The following UVRAG variants were observed in gnomAD, a reference collection of about 807,000 sequenced individuals.
UVRAG encodes UV radiation resistance associated.
Under a neutral mutation model 78.0 loss-of-function variants are expected in UVRAG, and 19 were observed. That is an observed-to-expected ratio of 0.24 (90% CI 0.17 to 0.36). UVRAG has a LOEUF of 0.36. UVRAG is among the 10% of genes least tolerant of loss of function. UVRAG has a pLI of 1.00. For missense variants in UVRAG, 740 were observed against 853.8 expected, an observed-to-expected ratio of 0.87 and a Z score of 1.66; for synonymous variants, 323 against 324.6, an observed-to-expected ratio of 1.00 and a Z score of 0.05.
chr11:75,933,969 G>A (rs571577826), intron 6 of UVRAG, among the ~76,000 whole-genome samples: 1 of 152,278 alleles, frequency 6.6e-6, no homozygotes, highest in Non-Finnish European at 1.5e-5. Context: ...TAAAAACTGA[G>A]CTATTACATG....
At position 75,875,809 on chromosome 11, in the gene UVRAG, G is replaced by C. The variant is rs374237452; in HGVS notation, c.271-4070G>C. On this transcript the variant is annotated intron_variant, in intron 3 of 14. Transcript: ENST00000356136. The stretch of plus-strand genomic sequence containing the variant: ...TAGCCCTTTTGTGGTCCTCAGTGTG[G>C]AGAGGGACATTTTTTAGTCATGGAT... Among the ~76,000 whole-genome samples the C allele has an allele frequency of 2.6e-5, 4 of 152,190 alleles. No homozygotes were observed. In the East Asian group the frequency reaches 7.7e-4, roughly 29 times the overall value.
At chr11:76,126,236 C>A (rs955113396) in intron 14 of UVRAG, among the ~76,000 whole-genome samples, 1 of 151,800 alleles carries the variant, frequency 6.6e-6, no homozygotes, top group Non-Finnish European at 1.5e-5. Flanking sequence ...CCACCATGCC[C>A]GGCCTGGCAG....
intron 14 of UVRAG, among the ~76,000 whole-genome samples, chr11:76,131,200 A>G (rs539662039): frequency 9.9e-5 from 15 of 152,222 alleles, no homozygotes; most frequent in Admixed American, 3.3e-4. Flanking sequence ...TTGTATGATG[A>G]TTTCTTAAAG....
intron 11 of UVRAG, among the ~76,000 whole-genome samples, chr11:76,016,356 C>T (rs945110394): frequency 6.6e-6 from 1 of 152,066 alleles, no homozygotes; most frequent in Non-Finnish European, 1.5e-5. Flanking sequence ...TTTCATTTCC[C>T]TTTAGAATTA....
At chr11:75,930,127 C>CT (rs1353277967) in intron 6 of UVRAG, among the ~76,000 whole-genome samples, 1 of 152,132 alleles carries the variant, frequency 6.6e-6, no homozygotes, top group African/African-American at 2.4e-5. Flanking sequence ...CTATTTAATT[C>CT]TTTCAGCAAC....
intron 3 of UVRAG, 136 bp downstream of exon 3, chr11:75,861,916 CATT>C (rs1430532825): frequency 2.8e-6 from 2 of 712,086 alleles, no homozygotes; most frequent in African/African-American, 1.8e-5. Context: ...GTTAAATCAT[CATT>C]GTTTTGTTCA....
intron 13 of UVRAG, among the ~76,000 whole-genome samples, chr11:76,093,576 C>T (rs1951740802): frequency 2.0e-5 from 3 of 152,150 alleles, no homozygotes; most frequent in African/African-American, 4.8e-5. Context: ...TCCTTCACCT[C>T]CCTTGTAAGT....
At chr11:75,904,149 C>G (rs1435555807) in intron 5 of UVRAG, among the ~76,000 whole-genome samples, 1 of 152,084 alleles carries the variant, frequency 6.6e-6, no homozygotes, top group Non-Finnish European at 1.5e-5. Context: ...ACTATGTGGC[C>G]CTTTATGGAA....
At chr11:76,030,454 T>C (rs1349642849) in intron 12 of UVRAG, among the ~76,000 whole-genome samples, 3 of 152,206 alleles carry the variant, frequency 2.0e-5, no homozygotes, top group Admixed American at 2.0e-4. Flanking sequence ...CGTAAGCATG[T>C]GTGCCTTGGA....
chr11:76,130,136 C>T (rs916441739), intron 14 of UVRAG, among the ~76,000 whole-genome samples: 3 of 152,098 alleles, frequency 2.0e-5, no homozygotes, highest in Non-Finnish European at 4.4e-5. Flanking sequence ...TTCCTGCTAC[C>T]TGGAAGATAC....
At chr11:75,970,396 A>T (rs1230227629) in intron 7 of UVRAG, among the ~76,000 whole-genome samples, 1 of 152,232 alleles carries the variant, frequency 6.6e-6, no homozygotes, top group Non-Finnish European at 1.5e-5. Context: ...TAACTTAAAA[A>T]GTAAACTTTC....
intron 1 of UVRAG, among the ~76,000 whole-genome samples, chr11:75,828,746 TACAC>T (rs1555069635): frequency 2.2e-5 from 2 of 90,580 alleles, no homozygotes; most frequent in Admixed American, 1.0e-4. Context: ...TATATATATA[TACAC>T]ACACATATAT....
At chr11:76,085,505 G>T (rs978254448) in intron 13 of UVRAG, among the ~76,000 whole-genome samples, 5 of 152,188 alleles carry the variant, frequency 3.3e-5, no homozygotes, top group African/African-American at 1.2e-4. Flanking sequence ...ACTTAGTTCA[G>T]ATGCAAATTT....
chr11:75,852,209 T>TA lies in UVRAG; in HGVS notation c.235+210dup, dbSNP rs1238614896. ...TTCAGATAACTGAGCCTTACATTGA[T>TA]ACGTTTATCATTCCTTTATGAATGT... is the stretch of plus-strand genomic sequence containing the variant. On this transcript the variant is annotated intron_variant, in intron 2 of 14. Transcript: ENST00000356136. Among the ~76,000 whole-genome samples, 4 of 152,358 alleles carry TA rather than the reference T, an allele frequency of 2.6e-5. No individual in the cohort carries two copies. The East Asian group carries it at 5.8e-4, about 22-fold the overall frequency.
chr11:75,946,478 GTT>G (rs1324918703), intron 6 of UVRAG, among the ~76,000 whole-genome samples: 1 of 152,174 alleles, frequency 6.6e-6, no homozygotes, highest in Non-Finnish European at 1.5e-5. Context: ...AATAATACCT[GTT>G]TTATTGTTTC....
chr11:75,974,841 G>A (rs1320824054), intron 7 of UVRAG, among the ~76,000 whole-genome samples: 1 of 152,180 alleles, frequency 6.6e-6, no homozygotes, highest in African/African-American at 2.4e-5. Context: ...TGTTCACTCT[G>A]ATGGTAGTTT....
intron 12 of UVRAG, among the ~76,000 whole-genome samples, chr11:76,040,889 G>A (rs1368924193): frequency 6.6e-6 from 1 of 152,110 alleles, no homozygotes; most frequent in Non-Finnish European, 1.5e-5. Flanking sequence ...GTGTTAAGTG[G>A]AAATAGAAAA....
intron 7 of UVRAG, among the ~76,000 whole-genome samples, chr11:75,980,649 T>A (rs1003871054): frequency 6.6e-5 from 10 of 152,068 alleles, no homozygotes; most frequent in Non-Finnish European, 5.9e-5. Context: ...AAATTTTGCC[T>A]TTTCTCTTTT....
chr11:76,105,875 A>T (rs1430019812), intron 13 of UVRAG, among the ~76,000 whole-genome samples: 1 of 152,262 alleles, frequency 6.6e-6, no homozygotes, highest in African/African-American at 2.4e-5. Flanking sequence ...TGAAACACTC[A>T]CTGAAACATT....
Sources: gnomAD v4.1 joint callset for allele counts (sites outside exome capture counted in the v4.1 genomes callset) on GRCh38, gnomAD v4.1.1 for gene constraint, MANE v1.5 for transcripts, NCBI Gene and HGNC (gene_info 2026-07-23, HGNC 2026-07-21) for gene names.